ATRN: variants seen among roughly 807,000 people sequenced by gnomAD.
ATRN encodes attractin-2.
ATRN carries 54 observed loss-of-function variants against 178.7 expected under a neutral mutation model. The ratio of observed to expected loss-of-function variants is 0.30; its 90% CI spans 0.24 to 0.38. The LOEUF is 0.38. Ranked by LOEUF, ATRN falls within the 10% of genes least tolerant of loss-of-function variation. ATRN has a pLI of 1.00. For synonymous variants in ATRN, 636 were observed against 663.0 expected (o/e 0.96, Z 0.63); for missense variants, 1,443 against 1,815.1 (o/e 0.79, Z 3.73).
At chr20:3,573,540 A>G (rs961260876) in intron 12 of ATRN, among the ~76,000 whole-genome samples, 9 of 152,004 alleles carry the variant, frequency 5.9e-5, no homozygotes, top group Non-Finnish European at 1.3e-4. Context: ...CTTGCAAAGT[A>G]TTTTTGTCTA....
At chr20:3,548,223 A>G (rs140510505) in intron 5 of ATRN, among the ~76,000 whole-genome samples, 182 of 152,324 alleles carry the variant, frequency 1.2e-3, no homozygotes, top group African/African-American at 4.0e-3. Flanking sequence ...CTAGTTATCA[A>G]ACTTATTCCT....
chr20:3,488,085 AT>A (rs59265548), intron 1 of ATRN, among the ~76,000 whole-genome samples: 22,680 of 152,132 alleles, frequency 0.15, 2,127 homozygotes, highest in Non-Finnish European at 0.21. Context: ...GTTGGCTAAC[AT>A]GTTCCCTGCT....
rs386393128 is a variant in ATRN at position 3,588,981 on chromosome 20, G to GT, written c.3185-2169dup. On this transcript the variant is annotated intron_variant, in intron 18 of 28. Coordinates refer to ENST00000262919, the MANE Select transcript of ATRN (RefSeq NM_139321.3). ...CATACAGTTCGTAGTATTTTCTTTT[G>GT]TTTTTTTTTTTTTTTTTTTGAGACA... is the stretch of plus-strand genomic sequence containing the variant. Among the ~76,000 whole-genome samples, 362 of 99,760 alleles carry GT rather than the reference G, an allele frequency of 3.6e-3. 26 individuals are homozygous for GT. Among genetic ancestry groups the GT allele is most frequent in the African/African-American group, 9.6e-3 (253 of 26,320 alleles). The allele number at this position is 99,760 out of a possible 152,430, so 65.4% of individuals were successfully genotyped here.
chr20:3,613,604 A>G (rs899374899), intron 24 of ATRN, among the ~76,000 whole-genome samples: 1 of 152,244 alleles, frequency 6.6e-6, no homozygotes, highest in Admixed American at 6.5e-5. Flanking sequence ...TAAATAGTGC[A>G]GTGTAGGCCA....
In ATRN at chr20:3,471,405, G is replaced by C. The variant is rs2084420064; in HGVS notation, c.298G>C (p.Glu100Gln). The change falls in exon 1 of 29, where the codon GAA becomes CAA. Residue 100 changes from glutamate (E) to glutamine (Q), a missense_variant. Glu to Gln is a conservative substitution (Grantham distance 29). Transcript: ENST00000262919. ...GGGCTCAGCCGCAGCCGAGGCCAAG[G>C]AATGTGACCGGCCCTGTGTCAACGG... ...VSGSAAAEAK[E>Q]CDRPCVNGGR... is the part of the protein sequence containing the mutation. 1.3e-6 allele frequency: 2 copies of C among 1,489,628 alleles called. No individual in the cohort carries two copies. The highest frequency in any genetic ancestry group is 1.3e-5 in the South Asian group (1 of 78,120). 92.3% of individuals were successfully genotyped at this position (1,489,628 alleles called of 1,614,324 possible).
intron 11 of ATRN, among the ~76,000 whole-genome samples, chr20:3,572,063 A>AT (rs1366231944): frequency 2.0e-5 from 3 of 152,198 alleles, no homozygotes; most frequent in Non-Finnish European, 4.4e-5. Context: ...TAAAAAGAAC[A>AT]TCTTTTCCCA....
chr20:3,473,784 G>A, intron 1 of ATRN, among the ~76,000 whole-genome samples: 1 of 152,186 alleles, frequency 6.6e-6, no homozygotes, highest in East Asian at 1.9e-4. Context: ...AATGTTCAGA[G>A]TAGGTACACT....
At chr20:3,525,859 G>C (rs889254380) in intron 1 of ATRN, among the ~76,000 whole-genome samples, 17 of 152,110 alleles carry the variant, frequency 1.1e-4, no homozygotes, top group African/African-American at 4.1e-4. Flanking sequence ...AGCTCTTCAT[G>C]CTAAAAACTC....
intron 3 of ATRN, among the ~76,000 whole-genome samples, chr20:3,540,852 TG>T (rs1226684591): frequency 1.3e-5 from 2 of 152,184 alleles, no homozygotes; most frequent in African/African-American, 4.8e-5. Context: ...AGTGGCTACC[TG>T]TGGAGAAATG....
intron 26 of ATRN, among the ~76,000 whole-genome samples, chr20:3,636,286 T>G (rs1324484979): frequency 6.6e-6 from 1 of 152,220 alleles, no homozygotes; most frequent in Non-Finnish European, 1.5e-5. Context: ...AGCAGTCTAA[T>G]TGCAGTGTAA....
intron 24 of ATRN, among the ~76,000 whole-genome samples, chr20:3,610,567 ATTTTTT>A (rs35770410): frequency 3.2e-5 from 3 of 93,650 alleles, no homozygotes; most frequent in African/African-American, 1.3e-4. Flanking sequence ...TTCCAGCTGA[ATTTTTT>A]TTTTTTTTTT....
intron 28 of ATRN, among the ~76,000 whole-genome samples, chr20:3,644,495 G>A (rs1428867493): frequency 6.6e-6 from 1 of 152,178 alleles, no homozygotes; most frequent in Non-Finnish European, 1.5e-5. Context: ...CCTCCTCACC[G>A]TTCTGGCCTC....
chr20:3,584,909 G>A (rs1347984003), intron 18 of ATRN, 29 bp downstream of exon 18: 1 of 1,584,574 alleles, frequency 6.3e-7, no homozygotes, highest in Admixed American at 1.7e-5. Context: ...CCAAATTCAA[G>A]TGTTTCACTA....
At position 3,541,163 on chromosome 20, in the gene ATRN, C is replaced by T. The variant is rs376605501; in HGVS notation, c.608+828C>T. Among the ~76,000 whole-genome samples, 190 of 151,138 alleles carry T rather than the reference C, an allele frequency of 1.3e-3. 2 individuals carry two copies. The highest frequency in any genetic ancestry group is 6.8e-3 in the Middle Eastern group (2 of 294). ...CGCGATCTCGGCTCACTGCAAGCTC[C>T]GCCTCCCGGGTTCACGCCATTCTCC... On this transcript the variant is annotated intron_variant, in intron 3 of 28. Transcript: ENST00000262919.
chr20:3,493,366 C>G (rs2084834511), intron 1 of ATRN, among the ~76,000 whole-genome samples: 1 of 150,940 alleles, frequency 6.6e-6, no homozygotes. Flanking sequence ...CACGATGATG[C>G]CTAGGCTAGT....
intron 6 of ATRN, among the ~76,000 whole-genome samples, chr20:3,555,853 A>G (rs2085869674): frequency 6.6e-6 from 1 of 152,216 alleles, no homozygotes; most frequent in African/African-American, 2.4e-5. Flanking sequence ...ATGATGAAAA[A>G]ATAAAGAGGA....
chr20:3,512,107 A>ATATATATATATATATATATATATTT, intron 1 of ATRN, among the ~76,000 whole-genome samples: 2 of 106,390 alleles, frequency 1.9e-5, no homozygotes, highest in Non-Finnish European at 3.6e-5. Flanking sequence ...ATATATATAT[A>ATATATATATATATATATATATATTT]TTTTTTTTTT....
chr20:3,472,495 C>T (rs1246435161), intron 1 of ATRN, among the ~76,000 whole-genome samples: 1 of 152,174 alleles, frequency 6.6e-6, no homozygotes, highest in Non-Finnish European at 1.5e-5. Flanking sequence ...TTGACCTTAA[C>T]ATTCTAGTGG....
At chr20:3,485,702 A>G (rs1600010564) in intron 1 of ATRN, among the ~76,000 whole-genome samples, 1 of 133,316 alleles carries the variant, frequency 7.5e-6, no homozygotes, top group South Asian at 2.4e-4. Flanking sequence ...GCTCACTGCA[A>G]CCTCTGCCTC....
Sources: gnomAD v4.1 joint callset for allele counts (sites outside exome capture counted in the v4.1 genomes callset) on GRCh38, gnomAD v4.1.1 for gene constraint, MANE v1.5 for transcripts, NCBI Gene and HGNC (gene_info 2026-07-23, HGNC 2026-07-21) for gene names.